The following PRKAR1B variants were observed in gnomAD, a reference collection of about 807,000 sequenced individuals.
PRKAR1B encodes protein kinase cAMP-dependent type I regulatory subunit beta.
PRKAR1B carries 22 observed loss-of-function variants against 46.5 expected under a neutral mutation model. The ratio of observed to expected loss-of-function variants is 0.47; its 90% CI spans 0.34 to 0.68. The LOEUF is 0.68. Among genes scored for constraint, PRKAR1B ranks in the 30% least tolerant of loss-of-function variants. The probability of loss-of-function intolerance (pLI) is 0.01; values close to 1 mark genes in which losing one functional copy is unlikely to be tolerated. For synonymous variants in PRKAR1B, 259 were observed against 217.7 expected (o/e 1.19, Z -1.67); for missense variants, 445 against 535.6 (o/e 0.83, Z 1.67).
chr7:629,331 CG>C (rs1297453426), intron 4 of PRKAR1B, among the ~76,000 whole-genome samples: 1 of 149,712 alleles, frequency 6.7e-6, no homozygotes, highest in Non-Finnish European at 1.5e-5. Context: ...AGCGGGGCCA[CG>C]GCCTCCGAAG....
chr7:698,867 TCACC>T (rs1328609104), intron 2 of PRKAR1B, among the ~76,000 whole-genome samples: 1 of 152,128 alleles, frequency 6.6e-6, no homozygotes, highest in Non-Finnish European at 1.5e-5. Flanking sequence ...ACTCACTCCC[TCACC>T]CACCATGGCG....
At position 643,433 on chromosome 7, in the gene PRKAR1B, A is replaced by G. The variant is rs191628439; in HGVS notation, c.440+33796T>C. On this transcript the variant is annotated intron_variant, in intron 4 of 10. Transcript: ENST00000537384. ...CTTCGCAGCTCACTCATAAAAAGTC[A>G]TAGCTTTGGACAGGCACAGTGGCTC... is the stretch of plus-strand genomic sequence containing the variant. Among the ~76,000 whole-genome samples the G allele has an allele frequency of 1.6e-3, 237 of 151,584 alleles. 9 individuals are homozygous for G. The highest frequency in any genetic ancestry group is 5.7e-3 in the African/African-American group (233 of 40,940).
chr7:709,752 C>G (rs1158506978), intron 2 of PRKAR1B, among the ~76,000 whole-genome samples: 3 of 152,116 alleles, frequency 2.0e-5, no homozygotes, highest in African/African-American at 2.4e-5. Context: ...ACCACAGCCT[C>G]AAACTCCTGG....
rs1251669800 is a variant in PRKAR1B at position 550,394 on chromosome 7, C to T, written c.*36G>A. 2 of 1,560,982 alleles carry T rather than the reference C, an allele frequency of 1.3e-6. No individual in the cohort carries two copies. Among genetic ancestry groups the T allele is most frequent in the Admixed American group, 3.8e-5 (2 of 52,990 alleles). ...ACAGACGAGCAGGGCACGGCCACCACACTGGGGAGCTGGGGCTGCAGGGCG... is the reference window on the plus strand; with the variant it reads ...ACAGACGAGCAGGGCACGGCCACCATACTGGGGAGCTGGGGCTGCAGGGCG... On this transcript the variant is annotated 3_prime_UTR_variant, in exon 11 of 11. Coordinates refer to ENST00000537384, the MANE Select transcript of PRKAR1B (RefSeq NM_001164760.2).
intron 4 of PRKAR1B, among the ~76,000 whole-genome samples, chr7:651,789 C>T (rs1784916792): frequency 8.6e-6 from 1 of 116,166 alleles, no homozygotes; most frequent in Non-Finnish European, 1.8e-5. Context: ...CACACCCACA[C>T]AGCGCTAGGA....
At position 644,750 on chromosome 7, in the gene PRKAR1B, C is replaced by G. The variant is rs1183030764; in HGVS notation, c.440+32479G>C. Among the ~76,000 whole-genome samples the G allele has an allele frequency of 6.6e-6, 1 of 152,186 alleles. No individual in the cohort carries two copies. Among genetic ancestry groups the G allele is most frequent in the Non-Finnish European group, 1.5e-5 (1 of 68,026 alleles). ...AACCCCAGCTCTCCCTCCCAGAGGG[C>G]AGGCACCAGGGCCAGACCCTTCCCC... On this transcript the variant is annotated intron_variant, in intron 4 of 10. Transcript: ENST00000537384. The surrounding 1 kb of genome is among the most constrained non-coding windows in gnomAD (Gnocchi z 4.9).
chr7:600,949 C>T (rs556000409), intron 6 of PRKAR1B, among the ~76,000 whole-genome samples: 1 of 152,364 alleles, frequency 6.6e-6, no homozygotes, highest in African/African-American at 2.4e-5. Flanking sequence ...CAGGCACTTT[C>T]GGAGTCTCTG....
chr7:585,504 G>A (rs562842940), intron 7 of PRKAR1B, among the ~76,000 whole-genome samples: 12 of 152,290 alleles, frequency 7.9e-5, no homozygotes, highest in East Asian at 3.9e-4. Flanking sequence ...CCACGCGTTC[G>A]AGTAGGGTGT....
At chr7:586,916 CT>C (rs1475126334) in intron 7 of PRKAR1B, among the ~76,000 whole-genome samples, 1 of 145,302 alleles carries the variant, frequency 6.9e-6, no homozygotes, top group Non-Finnish European at 1.5e-5. Context: ...GACAGTCTCA[CT>C]CTGTTGCCCA....
In PRKAR1B at chr7:714,122, G is replaced by T. The variant is rs924652144; in HGVS notation, c.-22-2595C>A. On this transcript the variant is annotated intron_variant, in intron 1 of 10. Transcript: ENST00000537384. The surrounding 1 kb of genome is among the most constrained non-coding windows in gnomAD (Gnocchi z 4.3). ...CTCCAATTACTCCTGCTCCTCCAGG[G>T]TAGACTGGTGAGGACAGCAAAAAAG... is the stretch of plus-strand genomic sequence containing the variant. Among the ~76,000 whole-genome samples, 4 of 151,980 alleles carry T rather than the reference G, an allele frequency of 2.6e-5. No homozygotes were observed. The highest frequency in any genetic ancestry group is 5.9e-5 in the Non-Finnish European group (4 of 68,012).
chr7:586,368 A>G (rs1219543359), intron 7 of PRKAR1B, among the ~76,000 whole-genome samples: 1 of 152,224 alleles, frequency 6.6e-6, no homozygotes, highest in Non-Finnish European at 1.5e-5. Flanking sequence ...GACGGATCCA[A>G]CTAGAGAATG....
intron 4 of PRKAR1B, among the ~76,000 whole-genome samples, chr7:643,244 A>T (rs1784477187): frequency 6.6e-6 from 1 of 151,498 alleles, no homozygotes; most frequent in Non-Finnish European, 1.5e-5. Flanking sequence ...TACATTTACA[A>T]TTTTGGATGA....
intron 6 of PRKAR1B, among the ~76,000 whole-genome samples, chr7:597,379 G>C (rs565317041): frequency 2.6e-4 from 40 of 152,332 alleles, no homozygotes; most frequent in African/African-American, 9.4e-4. Flanking sequence ...CGAACTTTCG[G>C]AGGCACAGGG....
In PRKAR1B at chr7:714,198, T is replaced by C. The variant is rs1780792177; in HGVS notation, c.-22-2671A>G. ...ACGTCTCGCTTCGGGGGGCAGATGC[T>C]CCAGGCCTGGCTGCTTCTCTCCCGG... On this transcript the variant is annotated intron_variant, in intron 1 of 10. Coordinates refer to ENST00000537384, the MANE Select transcript of PRKAR1B (RefSeq NM_001164760.2). The surrounding 1 kb of genome is among the most constrained non-coding windows in gnomAD (Gnocchi z 4.3). Among the ~76,000 whole-genome samples the C allele has an allele frequency of 6.6e-6, 1 of 152,142 alleles. No homozygotes were observed. The highest frequency in any genetic ancestry group is 1.5e-5 in the Non-Finnish European group (1 of 68,024).
intron 5 of PRKAR1B, among the ~76,000 whole-genome samples, chr7:606,961 C>A (rs1395666164): frequency 1.3e-5 from 2 of 151,944 alleles, no homozygotes; most frequent in Non-Finnish European, 1.5e-5. Context: ...TATATGTAGA[C>A]ATATATGCAT....
chr7:637,360 T>C (rs1434310741), intron 4 of PRKAR1B, among the ~76,000 whole-genome samples: 1 of 151,902 alleles, frequency 6.6e-6, no homozygotes, highest in Non-Finnish European at 1.5e-5. Context: ...GAGATTGCAA[T>C]GAGCCGAGAT....
chr7:583,604 ACCCC>A (rs150160720), intron 8 of PRKAR1B, among the ~76,000 whole-genome samples: 2 of 104,384 alleles, frequency 1.9e-5, no homozygotes, highest in African/African-American at 7.4e-5. Context: ...GTGCACACAC[ACCCC>A]CTCACACGTG....
At chr7:634,067 G>A (rs923045652) in intron 4 of PRKAR1B, among the ~76,000 whole-genome samples, 2 of 152,122 alleles carry the variant, frequency 1.3e-5, no homozygotes, top group African/African-American at 4.8e-5. Flanking sequence ...CTGCCTCCCA[G>A]GCTGCAGTGC....
intron 9 of PRKAR1B, among the ~76,000 whole-genome samples, chr7:575,130 C>G (rs140040516): frequency 6.6e-6 from 1 of 152,202 alleles, no homozygotes; most frequent in African/African-American, 2.4e-5. Context: ...GGGGCTCAGC[C>G]GGGCGGTTCT....
Sources: allele counts gnomAD v4.1 joint callset (sites outside exome capture counted in the v4.1 genomes callset), GRCh38; gene constraint gnomAD v4.1.1; non-coding constraint Gnocchi (gnomAD v3.1); transcripts MANE v1.5; gene names NCBI Gene and HGNC (gene_info 2026-07-23, HGNC 2026-07-21).